NCOA7: variants seen among roughly 807,000 people sequenced by gnomAD.
NCOA7 encodes the protein nuclear receptor coactivator 7, also known as 140 kDa estrogen receptor-associated protein.
In NCOA7, 45 loss-of-function variants were observed where a neutral mutation model predicts 104.3. The observed-to-expected ratio is 0.43, with a 90% CI of 0.34 to 0.55. The LOEUF (loss-of-function observed/expected upper bound fraction) is 0.55, where lower values mean the gene tolerates loss of function less well. Ranked by LOEUF, NCOA7 falls within the 20% of genes least tolerant of loss-of-function variation. The pLI, the probability that NCOA7 is intolerant of heterozygous loss-of-function variation, is 0.02. For missense variants in NCOA7, 1,041 were observed against 1,119.7 expected, an observed-to-expected ratio of 0.93 and a Z score of 1.00; for synonymous variants, 398 against 402.3, an observed-to-expected ratio of 0.99 and a Z score of 0.13.
intron 2 of NCOA7, among the ~76,000 whole-genome samples, chr6:125,818,076 C>T (rs1482904499): frequency 1.6e-4 from 24 of 151,064 alleles, no homozygotes. Context: ...CTCCCCCTTC[C>T]TTCTTTCTCC....
rs1478076084 is a variant in NCOA7 at position 125,865,161 on chromosome 6, A to G, written c.272-9728A>G. Among the ~76,000 whole-genome samples, 8 of 138,524 alleles carry G rather than the reference A, an allele frequency of 5.8e-5. 2 individuals carry two copies. The highest frequency in any genetic ancestry group is 1.1e-4 in the Non-Finnish European group (7 of 65,010). 90.9% of individuals were successfully genotyped at this position (138,524 alleles called of 152,430 possible). A position where few individuals can be genotyped will look rare whatever the true frequency, so the allele number is the denominator to read the frequency against. Reference sequence around the variant, plus strand: ...TGAGAAGCTGAGTAACTGGCCAGGGATCCACTGTTGGCTAGCATGCAGCCA... The same window carrying G: ...TGAGAAGCTGAGTAACTGGCCAGGGGTCCACTGTTGGCTAGCATGCAGCCA... On this transcript the variant is annotated intron_variant, in intron 3 of 15. Transcript: ENST00000392477.
At chr6:125,842,676 T>C (rs752039129) in intron 2 of NCOA7, among the ~76,000 whole-genome samples, 4 of 152,194 alleles carry the variant, frequency 2.6e-5, no homozygotes, top group Non-Finnish European at 5.9e-5. Context: ...AATGCAGATC[T>C]AAGTAATTAG....
intron 2 of NCOA7, among the ~76,000 whole-genome samples, chr6:125,830,786 G>GAT (rs1355415830): frequency 2.7e-5 from 3 of 110,472 alleles, no homozygotes; most frequent in African/African-American, 8.7e-5. Flanking sequence ...TGTGTGTATA[G>GAT]ATATATATAC....
At position 125,929,032 on chromosome 6, in the gene NCOA7, G is replaced by C; in HGVS notation, c.*261G>C. ...ACTTCCTCCAAATCCATACAGTGAG[G>C]AATCAGAGTGTTTATAGATATATGA... On this transcript the variant is annotated 3_prime_UTR_variant, in exon 16 of 16. Coordinates refer to ENST00000392477, the MANE Select transcript of NCOA7 (RefSeq NM_181782.5). 3.0e-6 allele frequency: 1 copy of C among 338,464 alleles called. No homozygotes were observed. Among genetic ancestry groups the C allele is most frequent in the Non-Finnish European group, 5.3e-6 (1 of 188,118 alleles). 21.0% of individuals were successfully genotyped at this position (338,464 alleles called of 1,614,324 possible).
chr6:125,896,716 C>G (rs185045283), intron 10 of NCOA7, among the ~76,000 whole-genome samples: 1 of 152,092 alleles, frequency 6.6e-6, no homozygotes, highest in Non-Finnish European at 1.5e-5. Context: ...CACTTGAGCC[C>G]GAGATGCTGA....
At chr6:125,792,835 C>T (rs1367339871) in intron 1 of NCOA7, among the ~76,000 whole-genome samples, 1 of 151,344 alleles carries the variant, frequency 6.6e-6, no homozygotes, top group African/African-American at 2.4e-5. Context: ...TTTATTTTTA[C>T]ACTATGACAT....
intron 1 of NCOA7, among the ~76,000 whole-genome samples, chr6:125,791,671 A>G (rs1459555528): frequency 6.6e-6 from 1 of 152,146 alleles, no homozygotes; most frequent in Non-Finnish European, 1.5e-5. Context: ...TGTGCTGAGT[A>G]TTTAGGAGCC....
intron 2 of NCOA7, among the ~76,000 whole-genome samples, chr6:125,847,347 G>A (rs1027349401): frequency 1.3e-5 from 2 of 152,192 alleles, no homozygotes; most frequent in Non-Finnish European, 2.9e-5. Flanking sequence ...CATGAGTCTA[G>A]AAATGTATTT....
chr6:125,918,948 G>A (rs944613722), intron 11 of NCOA7, among the ~76,000 whole-genome samples: 3 of 151,436 alleles, frequency 2.0e-5, no homozygotes, highest in African/African-American at 4.9e-5. Context: ...TGCTGGGGGC[G>A]GGGGAGAAAA....
intron 1 of NCOA7, among the ~76,000 whole-genome samples, chr6:125,782,159 A>C (rs1261545028): frequency 6.6e-6 from 1 of 152,232 alleles, no homozygotes; most frequent in African/African-American, 2.4e-5. Flanking sequence ...GTTAAATAAA[A>C]TATTAAACTT....
chr6:125,881,326 A>C, intron 6 of NCOA7, 123 bp downstream of exon 6: 1 of 749,232 alleles, frequency 1.3e-6, no homozygotes, highest in East Asian at 2.7e-5. Context: ...GAGATTAGGT[A>C]ATTGGAGAAT....
chr6:125,809,156 T>TG (rs1459985076), intron 1 of NCOA7, among the ~76,000 whole-genome samples: 1 of 152,074 alleles, frequency 6.6e-6, no homozygotes, highest in East Asian at 1.9e-4. Context: ...TTTATTTATT[T>TG]GGGGGGTATT....
At chr6:125,913,028 A>G (rs1786724736) in intron 10 of NCOA7, among the ~76,000 whole-genome samples, 1 of 152,198 alleles carries the variant, frequency 6.6e-6, no homozygotes, top group Middle Eastern at 3.2e-3. Flanking sequence ...TATATACAAT[A>G]TAAAATGTAT....
chr6:125,906,287 T>C (rs1785994744), intron 10 of NCOA7, among the ~76,000 whole-genome samples: 1 of 151,928 alleles, frequency 6.6e-6, no homozygotes, highest in Non-Finnish European at 1.5e-5. Flanking sequence ...TTAAGAACAG[T>C]ACAATAGAGA....
chr6:125,926,328 AGGG>A (rs1282864197), intron 13 of NCOA7, among the ~76,000 whole-genome samples: 2 of 149,864 alleles, frequency 1.3e-5, no homozygotes, highest in Non-Finnish European at 3.0e-5. Flanking sequence ...AAAAAAAGGG[AGGG>A]GGGTGGTGGA....
chr6:125,832,800 T>C (rs945275295), intron 2 of NCOA7, among the ~76,000 whole-genome samples: 3 of 152,218 alleles, frequency 2.0e-5, no homozygotes, highest in Admixed American at 1.3e-4. Context: ...GGATGTTCTT[T>C]GGCAGGACAC....
chr6:125,852,933 T>C (rs1177819140), intron 2 of NCOA7, among the ~76,000 whole-genome samples: 1 of 152,108 alleles, frequency 6.6e-6, no homozygotes, highest in East Asian at 1.9e-4. Flanking sequence ...TCCATATGAG[T>C]TTTAAGATTG....
chr6:125,882,396 T>C lies in NCOA7; in HGVS notation c.574-30T>C, dbSNP rs143151805. The stretch of plus-strand genomic sequence containing the variant: ...ATAATTTGTTTGAAAAGTGCTTTTA[T>C]TTGATTTTGAAATTTTTTGCTTTCA... On this transcript the variant is annotated intron_variant, in intron 6 of 15. Transcript: ENST00000392477. 3 of 1,607,920 alleles carry C rather than the reference T, an allele frequency of 1.9e-6. No individual in the cohort carries two copies. The Admixed American group carries it at 5.1e-5, about 28-fold the overall frequency.
chr6:125,788,893 AG>A (rs1380109988), upstream of NCOA7, among the ~76,000 whole-genome samples: 1 of 151,916 alleles, frequency 6.6e-6, no homozygotes, highest in African/African-American at 2.4e-5. Context: ...ATTCATACTC[AG>A]TTATAGGTTT....
Sources: gnomAD v4.1 joint callset for allele counts (sites outside exome capture counted in the v4.1 genomes callset) on GRCh38, gnomAD v4.1.1 for gene constraint, MANE v1.5 for transcripts, NCBI Gene and HGNC (gene_info 2026-07-23, HGNC 2026-07-21) for gene names.